LYPD6: variants seen among roughly 807,000 people sequenced by gnomAD.
LYPD6 encodes LY6/PLAUR domain containing 6.
LYPD6 carries 15 observed loss-of-function variants against 22.7 expected under a neutral mutation model. The ratio of observed to expected loss-of-function variants is 0.66; its 90% CI spans 0.44 to 1.02. The LOEUF (loss-of-function observed/expected upper bound fraction) is 1.02, where lower values mean the gene tolerates loss of function less well. Ranked by LOEUF, LYPD6 falls within the 50% of genes least tolerant of loss-of-function variation. The pLI is 0.00. For synonymous variants in LYPD6, 72 were observed against 77.5 expected, an observed-to-expected ratio of 0.93 and a Z score of 0.37; for missense variants, 189 against 208.4, an observed-to-expected ratio of 0.91 and a Z score of 0.57.
chr2:149,358,299 G>A (rs948447821), intron 1 of LYPD6, among the ~76,000 whole-genome samples: 2 of 151,952 alleles, frequency 1.3e-5, no homozygotes, highest in African/African-American at 2.4e-5. Context: ...TCTACCTCTG[G>A]GAACCTAAAA....
At chr2:149,355,969 C>T (rs1681440703) in intron 1 of LYPD6, among the ~76,000 whole-genome samples, 3 of 152,158 alleles carry the variant, frequency 2.0e-5, no homozygotes, top group South Asian at 4.2e-4. Context: ...TGAACTGTGC[C>T]ACCCCTCTGT....
chr2:149,441,290 A>G (rs1683563392), intron 2 of LYPD6, among the ~76,000 whole-genome samples: 1 of 152,212 alleles, frequency 6.6e-6, no homozygotes, highest in Non-Finnish European at 1.5e-5. Context: ...TGAATGAGCC[A>G]CATTTCATTA....
At chr2:149,444,789 T>C (rs1185054984) in intron 2 of LYPD6, among the ~76,000 whole-genome samples, 2 of 152,208 alleles carry the variant, frequency 1.3e-5, no homozygotes, top group Non-Finnish European at 1.5e-5. Flanking sequence ...ACATCTGCAG[T>C]TACTTTCTCT....
chr2:149,439,619 A>C (rs76575616), intron 2 of LYPD6, among the ~76,000 whole-genome samples: 1,745 of 152,284 alleles, frequency 0.011, 7 homozygotes, highest in Middle Eastern at 0.02. Flanking sequence ...GACTGGATTT[A>C]ACAACATACA....
At chr2:149,451,973 G>A (rs755547762) in intron 3 of LYPD6, among the ~76,000 whole-genome samples, 1 of 152,196 alleles carries the variant, frequency 6.6e-6, no homozygotes, top group Non-Finnish European at 1.5e-5. Context: ...CACTGTGGGA[G>A]TTTACAGGAA....
intron 1 of LYPD6, among the ~76,000 whole-genome samples, chr2:149,410,914 G>T (rs748050234): frequency 7.9e-5 from 12 of 152,146 alleles, no homozygotes; most frequent in Non-Finnish European, 1.6e-4. Context: ...AAGTTATGTG[G>T]CCTCATTAGG....
At chr2:149,341,412 C>T (rs1177632444) in intron 1 of LYPD6, among the ~76,000 whole-genome samples, 2 of 152,124 alleles carry the variant, frequency 1.3e-5, no homozygotes, top group Admixed American at 6.5e-5. Flanking sequence ...GTAACATATT[C>T]TTTGTTACAT....
At chr2:149,418,299 C>T (rs143442439) in intron 1 of LYPD6, among the ~76,000 whole-genome samples, 9 of 152,258 alleles carry the variant, frequency 5.9e-5, no homozygotes, top group African/African-American at 1.2e-4. Context: ...GTGCAAGCTG[C>T]GATTCGATCA....
chr2:149,440,140 C>G (rs1683528913), intron 2 of LYPD6: 1 of 153,906 alleles, frequency 6.5e-6, no homozygotes, highest in Non-Finnish European at 1.5e-5. Flanking sequence ...GGATCAGTGG[C>G]CTGAAAAGAG....
intron 2 of LYPD6, among the ~76,000 whole-genome samples, chr2:149,443,357 TGACA>T (rs984224711): frequency 6.6e-6 from 1 of 152,228 alleles, no homozygotes; most frequent in Non-Finnish European, 1.5e-5. Flanking sequence ...CTGGCTGCAG[TGACA>T]GACAGATAAA....
intron 1 of LYPD6, among the ~76,000 whole-genome samples, chr2:149,426,629 A>C (rs1256713493): frequency 1.3e-5 from 2 of 152,306 alleles, no homozygotes; most frequent in East Asian, 3.9e-4. Flanking sequence ...AGTACTCTGT[A>C]CTGGAAATAG....
intron 1 of LYPD6, among the ~76,000 whole-genome samples, chr2:149,357,460 T>C (rs1158811124): frequency 2.0e-5 from 3 of 152,196 alleles, no homozygotes; most frequent in Admixed American, 1.3e-4. Context: ...TCAGTAATGA[T>C]CATATTCCCT....
the LYPD6 span, among the ~76,000 whole-genome samples, chr2:149,484,149 A>C: frequency 3.8e-3 from 574 of 152,354 alleles, no homozygotes; most frequent in South Asian, 5.4e-3. Context: ...CTTGAATTGG[A>C]TAAACCTATA....
intron 2 of LYPD6, among the ~76,000 whole-genome samples, chr2:149,444,745 C>T (rs10804094): frequency 0.27 from 40,675 of 151,884 alleles, 6,565 homozygotes; most frequent in African/African-American, 0.46. Context: ...TTTCAGGCTC[C>T]GCTTCTAATT....
At chr2:149,370,724 C>T (rs1364818495) in intron 1 of LYPD6, 1 of 152,136 alleles carries the variant, frequency 6.6e-6, no homozygotes, top group Non-Finnish European at 1.5e-5. Flanking sequence ...TCAAGAACAT[C>T]CCATGAGAAG....
intron 1 of LYPD6, among the ~76,000 whole-genome samples, chr2:149,353,580 T>A (rs1397359665): frequency 6.6e-6 from 1 of 152,190 alleles, no homozygotes; most frequent in Non-Finnish European, 1.5e-5. Flanking sequence ...GGAGAGCTTT[T>A]GTTTTTACTT....
rs1313433119 is a variant in LYPD6 at position 149,471,158 on chromosome 2, C to T, written c.*308C>T. 1 of 232,848 alleles carries T rather than the reference C, an allele frequency of 4.3e-6. No homozygotes were observed. Among genetic ancestry groups the T allele is most frequent in the Non-Finnish European group, 8.5e-6 (1 of 118,112 alleles). 14.4% of individuals were successfully genotyped at this position (232,848 alleles called of 1,614,324 possible). A position where few individuals can be genotyped will look rare whatever the true frequency, so the allele number is the denominator to read the frequency against. The stretch of plus-strand genomic sequence containing the variant: ...CTGGGGTTCTTAATTTGGAAGAATA[C>T]ATGCATGAGATGCAGTAGGTCCTGA... On this transcript the variant is annotated 3_prime_UTR_variant, in exon 5 of 5. Transcript: ENST00000334166.
rs201908888 is a variant in LYPD6 at position 149,351,467 on chromosome 2, G to T, written c.-72+20745G>T. On this transcript the variant is annotated intron_variant, in intron 1 of 4. Coordinates refer to ENST00000334166, the MANE Select transcript of LYPD6 (RefSeq NM_194317.5). ...TTTATTACTGACTGAGAATTATCCT[G>T]GGCCGTAGATGTTAGAGGCAGCATT... 4.6e-5 allele frequency among the ~76,000 whole-genome samples: 7 copies of T among 151,732 alleles called. No individual in the cohort carries two copies. The East Asian group carries it at 1.4e-3, about 29-fold the overall frequency.
At chr2:149,386,120 C>T (rs1405717417) in intron 1 of LYPD6, among the ~76,000 whole-genome samples, 1 of 152,142 alleles carries the variant, frequency 6.6e-6, no homozygotes, top group Non-Finnish European at 1.5e-5. Flanking sequence ...AGATAAATAG[C>T]ATGTGGGGGA....
Sources: allele counts gnomAD v4.1 joint callset (sites outside exome capture counted in the v4.1 genomes callset), GRCh38; gene constraint gnomAD v4.1.1; transcripts MANE v1.5; gene names NCBI Gene and HGNC (gene_info 2026-07-23, HGNC 2026-07-21).